The following RBMS3 variants were observed in gnomAD, a reference collection of about 807,000 sequenced individuals.
The protein encoded by RBMS3 is RNA binding motif single stranded interacting protein 3.
In RBMS3, 27 loss-of-function variants were observed where a neutral mutation model predicts 66.8. That is an observed-to-expected ratio of 0.40 (90% CI 0.30 to 0.56). The LOEUF (loss-of-function observed/expected upper bound fraction) is 0.56, where lower values mean the gene tolerates loss of function less well. Among genes scored for constraint, RBMS3 ranks in the 20% least tolerant of loss-of-function variants. RBMS3 has a pLI of 0.40. For missense variants in RBMS3, 513 were observed against 549.5 expected (o/e 0.93, Z 0.66); for synonymous variants, 188 against 183.0 (o/e 1.03, Z -0.22).
intron 6 of RBMS3, among the ~76,000 whole-genome samples, chr3:29,795,503 A>G (rs1364430087): frequency 2.0e-5 from 3 of 152,222 alleles, no homozygotes; most frequent in African/African-American, 2.4e-5. Flanking sequence ...CCCACACCAG[A>G]GCATCAACTT....
At chr3:29,748,872 A>AAGGGGC (rs947611055) in intron 5 of RBMS3, among the ~76,000 whole-genome samples, 1 of 152,156 alleles carries the variant, frequency 6.6e-6, no homozygotes, top group Non-Finnish European at 1.5e-5. Flanking sequence ...GCGTGTGGGG[A>AAGGGGC]AGGGGCAGGG....
intron 1 of RBMS3, among the ~76,000 whole-genome samples, chr3:29,400,674 G>A (rs1451927982): frequency 6.6e-6 from 1 of 151,974 alleles, no homozygotes. Flanking sequence ...TAAACCAGGT[G>A]GCATAGTGAA....
At chr3:29,932,680 A>G (rs2061159956) in intron 10 of RBMS3, among the ~76,000 whole-genome samples, 1 of 152,168 alleles carries the variant, frequency 6.6e-6, no homozygotes, top group Non-Finnish European at 1.5e-5. Flanking sequence ...CTTTTCCCTG[A>G]TTTGCCAATG....
intron 2 of RBMS3, among the ~76,000 whole-genome samples, chr3:29,463,801 C>T (rs1322153861): frequency 6.6e-6 from 1 of 152,028 alleles, no homozygotes; most frequent in Non-Finnish European, 1.5e-5. Context: ...TTCTTTACCC[C>T]CTAACCTAAC....
At chr3:29,404,265 G>A (rs2039925803) in intron 1 of RBMS3, among the ~76,000 whole-genome samples, 1 of 152,108 alleles carries the variant, frequency 6.6e-6, no homozygotes, top group Non-Finnish European at 1.5e-5. Flanking sequence ...GAATCACACT[G>A]AGATCACTGA....
At chr3:29,422,608 TAATA>T (rs2040798896) in intron 1 of RBMS3, among the ~76,000 whole-genome samples, 2 of 152,192 alleles carry the variant, frequency 1.3e-5, no homozygotes, top group South Asian at 4.1e-4. Context: ...ATAAAAATTA[TAATA>T]AATTTGATAA....
chr3:29,327,739 A>G (rs1436237794), intron 1 of RBMS3, among the ~76,000 whole-genome samples: 1 of 152,170 alleles, frequency 6.6e-6, no homozygotes, highest in Non-Finnish European at 1.5e-5. Flanking sequence ...TTTTACTGTA[A>G]GGGAGTATTT....
intron 12 of RBMS3, among the ~76,000 whole-genome samples, chr3:29,982,069 G>C (rs1174036673): frequency 6.6e-6 from 1 of 152,004 alleles, no homozygotes; most frequent in Non-Finnish European, 1.5e-5. Flanking sequence ...TTTTTTTGTT[G>C]GTAGGCTATC....
At chr3:29,722,610 G>A (rs28814658) in intron 4 of RBMS3, among the ~76,000 whole-genome samples, 2,316 of 152,164 alleles carry the variant, frequency 0.015, 55 homozygotes, top group African/African-American at 0.048. Context: ...TGTTAGATTC[G>A]TAAGTCTCTC....
chr3:29,969,508 A>G (rs1246271392), intron 12 of RBMS3, among the ~76,000 whole-genome samples: 1 of 152,196 alleles, frequency 6.6e-6, no homozygotes, highest in Non-Finnish European at 1.5e-5. Context: ...TGACAAATCT[A>G]TGTCCTCTCT....
At chr3:29,678,136 G>A (rs991213767) in intron 4 of RBMS3, among the ~76,000 whole-genome samples, 7 of 152,172 alleles carry the variant, frequency 4.6e-5, no homozygotes, top group African/African-American at 1.2e-4. Context: ...GGTTAGGCCT[G>A]TGCTCAAGTT....
intron 4 of RBMS3, among the ~76,000 whole-genome samples, chr3:29,631,967 C>CA (rs2049298517): frequency 6.6e-6 from 1 of 151,842 alleles, no homozygotes; most frequent in African/African-American, 2.4e-5. Context: ...CATTTGCATG[C>CA]CAACCAGAAG....
At chr3:29,732,392 G>T (rs1281170669) in intron 4 of RBMS3, among the ~76,000 whole-genome samples, 1 of 152,180 alleles carries the variant, frequency 6.6e-6, no homozygotes, top group African/African-American at 2.4e-5. Context: ...AGAGCAATCT[G>T]TTTCACACAG....
intron 11 of RBMS3, among the ~76,000 whole-genome samples, chr3:29,939,976 C>T (rs1424227875): frequency 6.6e-6 from 1 of 151,804 alleles, no homozygotes; most frequent in Non-Finnish European, 1.5e-5. Flanking sequence ...TTGTGTGTTT[C>T]TGCTCCCTGT....
intron 4 of RBMS3, among the ~76,000 whole-genome samples, chr3:29,655,126 C>A (rs2050280746): frequency 1.3e-5 from 2 of 152,072 alleles, no homozygotes; most frequent in African/African-American, 4.8e-5. Context: ...TTTTTGCCTT[C>A]AAACGACCAA....
At chr3:29,594,542 A>G (rs1297287936) in intron 4 of RBMS3, among the ~76,000 whole-genome samples, 4 of 152,202 alleles carry the variant, frequency 2.6e-5, no homozygotes, top group African/African-American at 7.2e-5. Flanking sequence ...TATTTGTATC[A>G]TTTGCTCCTG....
At chr3:29,412,627 C>G (rs1019758582) in intron 1 of RBMS3, among the ~76,000 whole-genome samples, 1 of 152,074 alleles carries the variant, frequency 6.6e-6, no homozygotes, top group Non-Finnish European at 1.5e-5. Flanking sequence ...AATTAAGTGC[C>G]AACTGAAAGA....
intron 5 of RBMS3, among the ~76,000 whole-genome samples, chr3:29,745,024 C>G (rs2054823338): frequency 6.6e-6 from 1 of 152,102 alleles, no homozygotes; most frequent in Non-Finnish European, 1.5e-5. Flanking sequence ...ACCCCCCCGC[C>G]TCAATTATTA....
At chr3:29,523,780 G>C (rs1425139684) in intron 3 of RBMS3, among the ~76,000 whole-genome samples, 1 of 151,978 alleles carries the variant, frequency 6.6e-6, no homozygotes, top group Non-Finnish European at 1.5e-5. Context: ...TGTTGCCCGG[G>C]CTGGAGTGCA....
Sources: allele counts gnomAD v4.1 joint callset (sites outside exome capture counted in the v4.1 genomes callset), GRCh38; gene constraint gnomAD v4.1.1; transcripts MANE v1.5; gene names NCBI Gene and HGNC (gene_info 2026-07-23, HGNC 2026-07-21).